DLC1: variants seen among roughly 807,000 people sequenced by gnomAD.
DLC1 encodes the protein rho GTPase-activating protein 7.
A neutral mutation model predicts 140.3 loss-of-function variants in DLC1; 54 were observed. The observed-to-expected ratio is 0.38, with a 90% CI of 0.31 to 0.48. DLC1 has a LOEUF of 0.48. DLC1 is among the 20% of genes least tolerant of loss of function. DLC1 has a pLI of 0.96. For synonymous variants in DLC1, 986 were observed against 728.1 expected (o/e 1.35, Z -5.70); for missense variants, 2,536 against 1,907.0 (o/e 1.33, Z -6.14).
chr8:13,222,797 G>A lies in DLC1; in HGVS notation c.1348+82472C>T, dbSNP rs535441649. ...CTTGCTCTGTCACCCAGGGTGGAGT[G>A]CAGCGATGCAATCATAGCTCACTGT... On this transcript the variant is annotated intron_variant, in intron 5 of 17. Transcript: ENST00000276297. 1.2e-4 allele frequency among the ~76,000 whole-genome samples: 18 copies of A among 152,258 alleles called. No homozygotes were observed. The South Asian group carries it at 3.7e-3, about 32-fold the overall frequency.
chr8:13,367,370 C>G (rs1465975822), intron 4 of DLC1, among the ~76,000 whole-genome samples: 1 of 152,134 alleles, frequency 6.6e-6, no homozygotes, highest in Non-Finnish European at 1.5e-5. Context: ...CCTTAAAGAT[C>G]CTGTAGTACA....
intron 1 of DLC1, among the ~76,000 whole-genome samples, chr8:13,593,208 A>G (rs78507312): frequency 1.3e-5 from 2 of 152,264 alleles, no homozygotes; most frequent in East Asian, 3.9e-4. Context: ...GAAGAAATCT[A>G]GCATCCCTAA....
chr8:13,355,306 C>G (rs973805724), intron 4 of DLC1, among the ~76,000 whole-genome samples: 1 of 152,076 alleles, frequency 6.6e-6, no homozygotes, highest in African/African-American at 2.4e-5. Flanking sequence ...GCCAATATAA[C>G]GAAACCCCAT....
intron 3 of DLC1, among the ~76,000 whole-genome samples, chr8:13,395,049 C>G (rs1836967770): frequency 6.7e-6 from 1 of 149,690 alleles, no homozygotes; most frequent in Admixed American, 6.7e-5. Context: ...ATCTATCTAT[C>G]TATTAGGTAC....
intron 5 of DLC1, among the ~76,000 whole-genome samples, chr8:13,240,918 A>G (rs1455646482): frequency 6.6e-6 from 1 of 152,178 alleles, no homozygotes; most frequent in Non-Finnish European, 1.5e-5. Flanking sequence ...TAGTGTTTGG[A>G]CACTATTTGG....
intron 4 of DLC1, among the ~76,000 whole-genome samples, chr8:13,366,780 G>A (rs975972536): frequency 6.6e-6 from 1 of 152,014 alleles, no homozygotes; most frequent in Non-Finnish European, 1.5e-5. Flanking sequence ...CCAGACCAAG[G>A]TCTCCCTTTC....
intron 2 of DLC1, among the ~76,000 whole-genome samples, chr8:13,424,663 C>G (rs1838474797): frequency 6.6e-6 from 1 of 151,936 alleles, no homozygotes; most frequent in African/African-American, 2.4e-5. Context: ...AGCTTCACCT[C>G]CCGGGTTCAT....
intron 4 of DLC1, among the ~76,000 whole-genome samples, chr8:13,368,166 G>A (rs1835578010): frequency 6.6e-6 from 1 of 152,092 alleles, no homozygotes; most frequent in Non-Finnish European, 1.5e-5. Flanking sequence ...ACATAATTGG[G>A]AATTTTTAAA....
intron 1 of DLC1, among the ~76,000 whole-genome samples, chr8:13,541,772 A>G (rs996622576): frequency 2.0e-5 from 3 of 152,100 alleles, no homozygotes; most frequent in South Asian, 2.1e-4. Flanking sequence ...GATGATCTCG[A>G]TCTCCTGACC....
intron 5 of DLC1, among the ~76,000 whole-genome samples, chr8:13,300,004 T>A (rs548929870): frequency 6.6e-6 from 1 of 152,162 alleles, no homozygotes; most frequent in Non-Finnish European, 1.5e-5. Context: ...GCAGCACTAT[T>A]CACAATAGCA....
chr8:13,114,905 A>G (rs996121911), intron 6 of DLC1, among the ~76,000 whole-genome samples: 3 of 152,256 alleles, frequency 2.0e-5, no homozygotes, highest in African/African-American at 7.2e-5. Context: ...TGGTACGGGC[A>G]CTTTCGAAAA....
chr8:13,567,052 G>A, intron 1 of DLC1: 2 of 1,551,694 alleles, frequency 1.3e-6, no homozygotes, highest in East Asian at 2.4e-5. Flanking sequence ...CCTTTCTGAT[G>A]AGACTGAGAC....
intron 5 of DLC1, among the ~76,000 whole-genome samples, chr8:13,188,844 T>TATATATATGTATATATATATATATATA (rs1491498157): frequency 1.2e-4 from 3 of 25,848 alleles, no homozygotes; most frequent in Non-Finnish European, 2.5e-4. Context: ...TATATATATA[T>TATATATATGTATATATATATATATATA]TTTTTTTTTT....
At chr8:13,570,317 T>C (rs949028142) in intron 1 of DLC1, among the ~76,000 whole-genome samples, 28 of 151,426 alleles carry the variant, frequency 1.8e-4, no homozygotes, top group African/African-American at 6.8e-4. Flanking sequence ...TATTATACTT[T>C]AAGTTTTAGG....
intron 5 of DLC1, among the ~76,000 whole-genome samples, chr8:13,209,551 C>T (rs536442028): frequency 1.3e-5 from 2 of 151,894 alleles, no homozygotes; most frequent in African/African-American, 4.8e-5. Context: ...GGATGTTGTC[C>T]CTGCCCGAAT....
chr8:13,385,986 G>T (rs1836504224), intron 4 of DLC1, among the ~76,000 whole-genome samples: 1 of 152,204 alleles, frequency 6.6e-6, no homozygotes, highest in Admixed American at 6.5e-5. Flanking sequence ...TTACTCCTCA[G>T]TGCTATGAAT....
chr8:13,243,334 CTT>C (rs1829622939), intron 5 of DLC1, among the ~76,000 whole-genome samples: 1 of 141,706 alleles, frequency 7.1e-6, no homozygotes, highest in Non-Finnish European at 1.5e-5. Context: ...GCATTTCACT[CTT>C]TGTCTCTCTC....
chr8:13,526,314 T>A (rs867413288), intron 1 of DLC1, among the ~76,000 whole-genome samples: 2 of 152,206 alleles, frequency 1.3e-5, no homozygotes, highest in Non-Finnish European at 2.9e-5. Flanking sequence ...TAATTCTGCA[T>A]GAATTTAAGA....
chr8:13,153,310 C>T (rs1823981317), intron 5 of DLC1, among the ~76,000 whole-genome samples: 1 of 152,314 alleles, frequency 6.6e-6, no homozygotes, highest in African/African-American at 2.4e-5. Context: ...GAGTTGTTCT[C>T]TCCTCCCGGC....
Sources: allele counts gnomAD v4.1 joint callset (sites outside exome capture counted in the v4.1 genomes callset), GRCh38; gene constraint gnomAD v4.1.1; transcripts MANE v1.5; gene names NCBI Gene and HGNC (gene_info 2026-07-23, HGNC 2026-07-21).